The following BRAF variants were observed in gnomAD, a reference collection of about 807,000 sequenced individuals.
BRAF encodes B-Raf proto-oncogene, serine/threonine kinase, also known as serine/threonine-protein kinase B-raf.
A neutral mutation model predicts 104.6 loss-of-function variants in BRAF; 16 were observed. The ratio of observed to expected loss-of-function variants is 0.15; its 90% CI spans 0.10 to 0.23. The LOEUF is 0.23. Among genes scored for constraint, BRAF ranks in the 10% least tolerant of loss-of-function variants. BRAF has a pLI of 1.00. For synonymous variants in BRAF, 310 were observed against 341.6 expected (o/e 0.91, Z 1.02); for missense variants, 541 against 937.3 (o/e 0.58, Z 5.52).
At chr7:140,795,020 C>T (rs755326938) in intron 7 of BRAF, among the ~76,000 whole-genome samples, 3 of 152,092 alleles carry the variant, frequency 2.0e-5, no homozygotes, top group Non-Finnish European at 4.4e-5. Flanking sequence ...CCTCAGAGTG[C>T]CAATATCTCT....
At chr7:140,763,590 G>T (rs1586064619) in intron 14 of BRAF, among the ~76,000 whole-genome samples, 1 of 152,150 alleles carries the variant, frequency 6.6e-6, no homozygotes, top group African/African-American at 2.4e-5. Flanking sequence ...TCAAATAGAT[G>T]CAATAAAAAA....
intron 1 of BRAF, among the ~76,000 whole-genome samples, chr7:140,893,078 T>C (rs1814446090): frequency 6.6e-6 from 1 of 152,130 alleles, no homozygotes; most frequent in African/African-American, 2.4e-5. Context: ...GACTGAATGA[T>C]TGGCTTGGCC....
intron 19 of BRAF, chr7:140,734,391 A>AT (rs1280863291): frequency 2.3e-5 from 33 of 1,435,216 alleles, no homozygotes; most frequent in Non-Finnish European, 2.7e-5. Context: ...ATGTCTATGT[A>AT]TTTTAACCCT....
At position 140,819,399 on chromosome 7, in the gene BRAF, G is replaced by A. The variant is rs557572261; in HGVS notation, c.505-10404C>T. Among the ~76,000 whole-genome samples the A allele has an allele frequency of 7.2e-5, 11 of 152,260 alleles. No individual in the cohort carries two copies. The East Asian group carries it at 1.2e-3, about 16-fold the overall frequency. On this transcript the variant is annotated intron_variant, in intron 3 of 19. Coordinates refer to ENST00000644969, the MANE Select transcript of BRAF (RefSeq NM_001374258.1). The stretch of plus-strand genomic sequence containing the variant: ...AATAATAAACAAGTTTGGCAGTGAT[G>A]TGAAAAAAACAGAACCCTCATGCTC...
chr7:140,886,447 C>A (rs1813571583), intron 1 of BRAF, among the ~76,000 whole-genome samples: 1 of 152,174 alleles, frequency 6.6e-6, no homozygotes, highest in Non-Finnish European at 1.5e-5. Flanking sequence ...GTACAGAGTG[C>A]AAGATCTGAA....
At chr7:140,827,894 T>C (rs1253684584) in intron 3 of BRAF, among the ~76,000 whole-genome samples, 1 of 152,148 alleles carries the variant, frequency 6.6e-6, no homozygotes, top group Non-Finnish European at 1.5e-5. Context: ...CACTGAAATT[T>C]TATTTATTTA....
chr7:140,804,174 C>G (rs532885671), intron 5 of BRAF, among the ~76,000 whole-genome samples: 1 of 152,046 alleles, frequency 6.6e-6, no homozygotes, highest in Admixed American at 6.5e-5. Context: ...AGCCACCACA[C>G]TCGGCCTCTA....
chr7:140,807,184 C>A (rs1164746718), intron 5 of BRAF, among the ~76,000 whole-genome samples: 1 of 152,058 alleles, frequency 6.6e-6, no homozygotes, highest in Non-Finnish European at 1.5e-5. Flanking sequence ...ATGCAAAAAC[C>A]AGACAAAGAA....
intron 2 of BRAF, among the ~76,000 whole-genome samples, chr7:140,842,609 C>T (rs1425854177): frequency 6.6e-6 from 1 of 152,096 alleles, no homozygotes; most frequent in Non-Finnish European, 1.5e-5. Flanking sequence ...AGAAGGCATT[C>T]CAATAATTTG....
At chr7:140,734,444 G>A in intron 19 of BRAF, 2 of 1,539,042 alleles carry the variant, frequency 1.3e-6, no homozygotes, top group Non-Finnish European at 1.7e-6. Context: ...TTTAGTTTGG[G>A]GAAAAATTAT....
chr7:140,824,241 TCTC>T (rs1297807841), intron 3 of BRAF: 1 of 152,254 alleles, frequency 6.6e-6, no homozygotes. Flanking sequence ...ATGATGCTTT[TCTC>T]CTATGTTTTC....
chr7:140,723,474 A>G lies in BRAF; in HGVS notation c.*3020T>C, dbSNP rs1033055933. 4 of 1,054,102 alleles carry G rather than the reference A, an allele frequency of 3.8e-6. No homozygotes were observed. The highest frequency in any genetic ancestry group is 3.3e-5 in the African/African-American group (2 of 60,522). 65.3% of individuals were successfully genotyped at this position (1,054,102 alleles called of 1,614,324 possible). A position where few individuals can be genotyped will look rare whatever the true frequency, so the allele number is the denominator to read the frequency against. On this transcript the variant is annotated 3_prime_UTR_variant, in exon 20 of 20. Coordinates refer to ENST00000644969, the MANE Select transcript of BRAF (RefSeq NM_001374258.1). ...AGGGGTGAGATATTCGGGAACCAGAATTTGACAGCTAGACAGAATCTTCTT... is the reference window on the plus strand; with the variant it reads ...AGGGGTGAGATATTCGGGAACCAGAGTTTGACAGCTAGACAGAATCTTCTT...
At position 140,724,896 on chromosome 7, in the gene BRAF, T is replaced by A. The variant is rs1260154853; in HGVS notation, c.*1598A>T. On this transcript the variant is annotated 3_prime_UTR_variant, in exon 20 of 20. Coordinates refer to ENST00000644969, the MANE Select transcript of BRAF (RefSeq NM_001374258.1). ...CTTTCTTTGCTATGACTGTGATTGA[T>A]ATTACCCTTTAATAAAGGCCAAAGG... 1.9e-6 allele frequency: 2 copies of A among 1,039,206 alleles called. No homozygotes were observed. Among genetic ancestry groups the A allele is most frequent in the African/African-American group, 1.7e-5 (1 of 59,674 alleles). The allele number at this position is 1,039,206 out of a possible 1,614,324, so 64.4% of individuals were successfully genotyped here. A position where few individuals can be genotyped will look rare whatever the true frequency, so the allele number is the denominator to read the frequency against.
intron 1 of BRAF, among the ~76,000 whole-genome samples, chr7:140,875,524 C>T (rs942666791): frequency 8.5e-5 from 13 of 152,134 alleles, no homozygotes; most frequent in African/African-American, 2.9e-4. Flanking sequence ...TATAGGTGCC[C>T]GCGAACACGC....
intron 14 of BRAF, among the ~76,000 whole-genome samples, chr7:140,756,989 A>C (rs1798254198): frequency 6.6e-6 from 1 of 152,192 alleles, no homozygotes. Context: ...GATCGGATCT[A>C]ACCAACACAA....
At chr7:140,889,470 T>C (rs1283229697) in intron 1 of BRAF, among the ~76,000 whole-genome samples, 1 of 152,138 alleles carries the variant, frequency 6.6e-6, no homozygotes, top group Non-Finnish European at 1.5e-5. Context: ...ATAGCATAAA[T>C]AAAACAGATA....
chr7:140,737,574 T>C (rs1796542472), intron 18 of BRAF, among the ~76,000 whole-genome samples: 1 of 152,234 alleles, frequency 6.6e-6, no homozygotes, highest in African/African-American at 2.4e-5. Flanking sequence ...TTGTTATATA[T>C]GCTACAATTA....
intron 1 of BRAF, among the ~76,000 whole-genome samples, chr7:140,901,095 GATCT>G (rs902743727): frequency 1.1e-4 from 17 of 152,118 alleles, no homozygotes; most frequent in African/African-American, 4.1e-4. Flanking sequence ...TAATATTAAA[GATCT>G]ATTATAAGCA....
chr7:140,919,785 G>A (rs1818012827), intron 1 of BRAF, among the ~76,000 whole-genome samples: 2 of 151,660 alleles, frequency 1.3e-5, no homozygotes, highest in African/African-American at 4.8e-5. Context: ...CTCCCAAATA[G>A]GCCCACCTAT....
Sources: allele counts gnomAD v4.1 joint callset (sites outside exome capture counted in the v4.1 genomes callset), GRCh38; gene constraint gnomAD v4.1.1; transcripts MANE v1.5; gene names NCBI Gene and HGNC (gene_info 2026-07-23, HGNC 2026-07-21).